Variants in CREB3L4 observed in about 807,000 individuals in gnomAD.
CREB3L4 encodes cyclic AMP-responsive element-binding protein 3-like protein 4.
In CREB3L4, 28 loss-of-function variants were observed where a neutral mutation model predicts 37.0. The ratio of observed to expected loss-of-function variants is 0.76; its 90% CI spans 0.56 to 1.04. CREB3L4 has a LOEUF of 1.04. Ranked by LOEUF, CREB3L4 falls within the 50% of genes least tolerant of loss-of-function variation. The pLI, the probability that CREB3L4 is intolerant of heterozygous loss-of-function variation, is 0.00. For missense variants in CREB3L4, 462 were observed against 486.0 expected (o/e 0.95, Z 0.46); for synonymous variants, 175 against 192.2 (o/e 0.91, Z 0.74).
intron 4 of CREB3L4, among the ~76,000 whole-genome samples, chr1:153,971,333 A>C: frequency 6.6e-6 from 1 of 150,820 alleles, no homozygotes; most frequent in African/African-American, 2.4e-5. Flanking sequence ...GCGCCATTGA[A>C]CTCCAGCCTG....
chr1:153,968,914 C>T lies in CREB3L4; in HGVS notation c.175-16C>T, dbSNP rs200562464. On this transcript the variant is annotated splice_polypyrimidine_tract_variant and intron_variant, in intron 2 of 9. Transcript: ENST00000368607. Reference sequence around the variant, plus strand: ...AATTCTTCCCTGCACATATATATAACCTTTTCCTACTGTAGGGCCTTCAAG... The same window carrying T: ...AATTCTTCCCTGCACATATATATAATCTTTTCCTACTGTAGGGCCTTCAAG... The T allele has an allele frequency of 2.7e-5, 43 of 1,591,618 alleles. No individual in the cohort carries two copies. Among genetic ancestry groups the T allele is most frequent in the African/African-American group, 1.1e-4 (8 of 74,098 alleles).
At chr1:153,972,615 T>C in intron 4 of CREB3L4, 129 bp from the exon 5 acceptor site, 1 of 677,170 alleles carries the variant, frequency 1.5e-6, no homozygotes, top group African/African-American at 1.8e-5. Flanking sequence ...TCACCTCACC[T>C]CTAGATTAAA....
At chr1:153,970,776 C>T (rs893620329) in intron 4 of CREB3L4, among the ~76,000 whole-genome samples, 2 of 131,110 alleles carry the variant, frequency 1.5e-5, no homozygotes, top group African/African-American at 5.8e-5. Flanking sequence ...GACAGAGTCT[C>T]GCTCTGTCAC....
rs1414310973 is a variant in CREB3L4 at position 153,973,476 on chromosome 1, C to G, written c.897+12C>G. On this transcript the variant is annotated intron_variant, in intron 8 of 9. Transcript: ENST00000368607. ...GCACTTGTGTTTTGGTACCATTAGT[C>G]TATCTACTCCCATCTCCCCCCACAC... The G allele has an allele frequency of 1.9e-6, 3 of 1,610,482 alleles. No individual in the cohort carries two copies. In the African/African-American group the frequency reaches 4.0e-5, roughly 21 times the overall value.
Position 153,973,415 on chromosome 1 carries a change from T to G in CREB3L4, c.848T>G (p.Leu283Arg), listed in dbSNP as rs1648599147. 6.2e-7 allele frequency: 1 copy of G among 1,614,050 alleles called. No homozygotes were observed. Among genetic ancestry groups the G allele is most frequent in the African/African-American group, 1.3e-5 (1 of 74,924 alleles). Residue 283 changes from leucine to arginine, a missense_variant, in exon 8 of 10, where the codon CTA (leucine) becomes CGA (arginine). Physicochemically the swap from Leu to Arg is moderately radical, Grantham distance 102 (BLOSUM62 -2). Transcript: ENST00000368607. ...GCTCAGCTCCGCCAGCTGCAGACGCTAATTGCTCAAACTTCCAACAAAGCT... is the reference window on the plus strand; with the variant it reads ...GCTCAGCTCCGCCAGCTGCAGACGCGAATTGCTCAAACTTCCAACAAAGCT... ...LVAQLRQLQT[L>R]IAQTSNKAAQ...
At chr1:153,969,641 T>C in intron 4 of CREB3L4, 186 bp downstream of exon 4, 3 of 608,554 alleles carry the variant, frequency 4.9e-6, no homozygotes, top group Non-Finnish European at 8.4e-6. Flanking sequence ...GCCAGGGTCT[T>C]ACTCTGTCAT....
At chr1:153,968,352 A>T (rs2102154739) in intron 1 of CREB3L4, 170 bp from the exon 2 acceptor site, 1 of 559,500 alleles carries the variant, frequency 1.8e-6, no homozygotes, top group African/African-American at 2.3e-5. Flanking sequence ...CCTGAGGGAT[A>T]GGGCTGAAGG....
At position 153,968,504 on chromosome 1, in the gene CREB3L4, C is replaced by A. The variant is rs372863731; in HGVS notation, c.-4-18C>A. 1 of 1,608,282 alleles carries A rather than the reference C, an allele frequency of 6.2e-7. No homozygotes were observed. Among genetic ancestry groups the A allele is most frequent in the Non-Finnish European group, 8.5e-7 (1 of 1,176,460 alleles). ...CATTCCGTTTCTGCAACCCTCCGTC[C>A]CACACGCCTTCCTGCAGAAGCATGG... On this transcript the variant is annotated intron_variant, in intron 1 of 9. Transcript: ENST00000368607.
rs200594603 is a variant in CREB3L4, at chr1:153,968,554, A to G, written c.29A>G (p.Asp10Gly). 12 of 1,613,934 alleles carry G rather than the reference A, an allele frequency of 7.4e-6. No individual in the cohort carries two copies. Among genetic ancestry groups the G allele is most frequent in the Admixed American group, 1.7e-5 (1 of 60,006 alleles). Reference protein sequence around the residue: MDLGIPDLLDAWLEPPEDIF... With the variant: MDLGIPDLLGAWLEPPEDIF... ...GATCTCGGAATCCCTGACCTGCTGG[A>G]CGCGTGGCTGGAGCCCCCAGAGGAT... is the stretch of plus-strand genomic sequence containing the variant. The change falls in exon 2 of 10, where the codon GAC becomes GGC. Residue 10 changes from aspartate to glycine, a missense_variant. Asp to Gly is a moderately conservative substitution (Grantham distance 94). Transcript: ENST00000368607.
chr1:153,969,505 C>T, intron 4 of CREB3L4, 50 bp downstream of exon 4: 1 of 1,598,608 alleles, frequency 6.3e-7, no homozygotes, highest in Non-Finnish European at 8.6e-7. Context: ...CATATATAAT[C>T]ACACAGACAG....
chr1:153,969,689 C>A, intron 4 of CREB3L4: 3 of 461,934 alleles, frequency 6.5e-6, no homozygotes, highest in South Asian at 2.2e-5. Context: ...CGGCTCACTG[C>A]ATCCTCAACA....
At position 153,973,275 on chromosome 1, in the gene CREB3L4, CATTGTGTGTGT is replaced by C. The variant is rs1303268979; in HGVS notation, c.812+15_812+25del. 1 of 1,613,800 alleles carries C rather than the reference CATTGTGTGTGT, an allele frequency of 6.2e-7. No individual in the cohort carries two copies. Among genetic ancestry groups the C allele is most frequent in the Middle Eastern group, 1.6e-4 (1 of 6,062 alleles). On this transcript the variant is annotated intron_variant, in intron 7 of 9. Transcript: ENST00000368607. The stretch of plus-strand genomic sequence containing the variant: ...GAGAGGCACAACATGTGAGTGAAAG[CATTGTGTGTGT>C]ATGTGTGTTTTGAAGGCAGGTACAG...
In CREB3L4 at chr1:153,973,690, G is replaced by T. The variant is rs751412738; in HGVS notation, c.968G>T (p.Gly323Val). Reference protein sequence around the residue: ...FSPFQSRPEAGSEDYQPHGVT... With the variant: ...FSPFQSRPEAVSEDYQPHGVT... ...CCATTCCAGAGTCGACCAGAAGCTG[G>T]GTCTGAGGATTACCAGCCTCACGGA... The change falls in exon 9 of 10, where the codon GGG becomes GTG. Residue 323 changes from glycine to valine, a missense_variant. Coordinates refer to ENST00000368607, the MANE Select transcript of CREB3L4 (RefSeq NM_001255978.2). The T allele has an allele frequency of 1.2e-5, 19 of 1,605,908 alleles. No homozygotes were observed. The East Asian group carries it at 4.2e-4, about 36-fold the overall frequency.
At chr1:153,971,581 C>CT (rs1322149098) in intron 4 of CREB3L4, among the ~76,000 whole-genome samples, 3,797 of 111,074 alleles carry the variant, frequency 0.034, 61 homozygotes, top group South Asian at 0.065. Context: ...TTTTCTTTTT[C>CT]TTTTTCTTTT....
intron 6 of CREB3L4, 43 bp downstream of exon 6, chr1:153,973,121 GC>G: frequency 6.2e-7 from 1 of 1,611,334 alleles, no homozygotes; most frequent in South Asian, 1.1e-5. Flanking sequence ...CCATGTCTGG[GC>G]CCCTTCCTCA....
chr1:153,970,209 G>A (rs1353317933), intron 4 of CREB3L4, among the ~76,000 whole-genome samples: 4 of 152,096 alleles, frequency 2.6e-5, no homozygotes, highest in African/African-American at 9.7e-5. Context: ...TTACAGGTGT[G>A]AGCCACCACG....
At position 153,972,847 on chromosome 1, in the gene CREB3L4, T is replaced by C; in HGVS notation, c.636+11T>C. 1 of 1,612,572 alleles carries C rather than the reference T, an allele frequency of 6.2e-7. No individual in the cohort carries two copies. Among genetic ancestry groups the C allele is most frequent in the Non-Finnish European group, 8.5e-7 (1 of 1,178,832 alleles). On this transcript the variant is annotated intron_variant, in intron 5 of 9. Coordinates refer to ENST00000368607, the MANE Select transcript of CREB3L4 (RefSeq NM_001255978.2). ...CTGCCCCTCACCAAGGTAACATGCT[T>C]CCCCTAAGGGTATCCCAACCCAGGG...
At chr1:153,969,746 G>T in intron 4 of CREB3L4, 1 of 346,772 alleles carries the variant, frequency 2.9e-6, no homozygotes, top group South Asian at 2.7e-5. Flanking sequence ...GAGTAGCTGG[G>T]ACTACAGGTG....
upstream of CREB3L4, chr1:153,967,659 A>T (rs1647887406): frequency 9.8e-6 from 1 of 102,302 alleles, no homozygotes; most frequent in African/African-American, 4.0e-5. Flanking sequence ...CTCCAAAAAT[A>T]AGAATAAAGA....
Sources: gnomAD v4.1 joint callset for allele counts (sites outside exome capture counted in the v4.1 genomes callset) on GRCh38, gnomAD v4.1.1 for gene constraint, MANE v1.5 for transcripts, NCBI Gene and HGNC (gene_info 2026-07-23, HGNC 2026-07-21) for gene names.